The following CNOT4 variants were observed in gnomAD, a reference collection of about 807,000 sequenced individuals.
CNOT4 encodes the protein CCR4-NOT transcription complex subunit 4.
CNOT4 carries 8 observed loss-of-function variants against 73.8 expected under a neutral mutation model. The observed-to-expected ratio is 0.11, with a 90% CI of 0.06 to 0.20. CNOT4 has a LOEUF of 0.20. Among genes scored for constraint, CNOT4 ranks in the 10% least tolerant of loss-of-function variants. CNOT4 has a pLI of 1.00. For synonymous variants in CNOT4, 293 were observed against 321.1 expected (o/e 0.91, Z 0.94); for missense variants, 564 against 883.4 (o/e 0.64, Z 4.58).
intron 10 of CNOT4, among the ~76,000 whole-genome samples, chr7:135,392,391 G>A (rs1329595532): frequency 6.6e-6 from 1 of 152,038 alleles, no homozygotes; most frequent in Admixed American, 6.5e-5. Context: ...TAAATGTTTT[G>A]ATGATTTGGG....
chr7:135,380,621 G>A (rs530015100), intron 10 of CNOT4, among the ~76,000 whole-genome samples: 68 of 152,266 alleles, frequency 4.5e-4, no homozygotes, highest in African/African-American at 1.5e-3. Flanking sequence ...CTTGACTTGA[G>A]AGACCTACTG....
intron 1 of CNOT4, among the ~76,000 whole-genome samples, chr7:135,464,546 G>T (rs1801101816): frequency 6.6e-6 from 1 of 152,134 alleles, no homozygotes; most frequent in Non-Finnish European, 1.5e-5. Flanking sequence ...GGGAAGTGGG[G>T]AGGGTGGAAG....
At chr7:135,400,313 G>A (rs564175815) in intron 7 of CNOT4, among the ~76,000 whole-genome samples, 9 of 152,184 alleles carry the variant, frequency 5.9e-5, no homozygotes, top group African/African-American at 1.9e-4. Context: ...AATAAGCAGT[G>A]TTTTAGAAAG....
chr7:135,382,633 T>C (rs1449349362), intron 10 of CNOT4, among the ~76,000 whole-genome samples: 1 of 151,768 alleles, frequency 6.6e-6, no homozygotes, highest in African/African-American at 2.4e-5. Context: ...GTTTTCACAT[T>C]TGTGGATTCA....
At chr7:135,459,092 C>T (rs543554546) in intron 1 of CNOT4, among the ~76,000 whole-genome samples, 1 of 152,044 alleles carries the variant, frequency 6.6e-6, no homozygotes, top group African/African-American at 2.4e-5. Flanking sequence ...CCTGGATCCA[C>T]GGACTGCAGA....
intron 7 of CNOT4, among the ~76,000 whole-genome samples, chr7:135,402,159 G>C (rs1019555293): frequency 6.6e-6 from 1 of 150,474 alleles, no homozygotes; most frequent in African/African-American, 2.4e-5. Flanking sequence ...GCCCAGGCTG[G>C]AGTGCAGTAG....
chr7:135,386,410 A>T (rs1179695637), intron 10 of CNOT4: 1 of 148,772 alleles, frequency 6.7e-6, no homozygotes, highest in African/African-American at 2.6e-5. Flanking sequence ...GGAATTTAAC[A>T]ACAACAACAA....
chr7:135,380,309 A>G (rs868072888), intron 10 of CNOT4, among the ~76,000 whole-genome samples: 12 of 152,142 alleles, frequency 7.9e-5, no homozygotes, highest in Admixed American at 3.9e-4. Context: ...TCTAGTGGTT[A>G]TGTGTGTTGT....
intron 3 of CNOT4, among the ~76,000 whole-genome samples, chr7:135,420,651 G>A (rs370170591): frequency 1.1e-4 from 16 of 150,458 alleles, no homozygotes; most frequent in African/African-American, 3.4e-4. Context: ...ATAAGTGCCC[G>A]TTGGTTAGAG....
chr7:135,401,750 G>A (rs1171948894), intron 7 of CNOT4, among the ~76,000 whole-genome samples: 3 of 151,916 alleles, frequency 2.0e-5, no homozygotes, highest in Non-Finnish European at 4.4e-5. Context: ...AATGAGAGAG[G>A]CAAAAACAGA....
At chr7:135,433,078 T>G (rs1413714310) in intron 2 of CNOT4, among the ~76,000 whole-genome samples, 2 of 152,154 alleles carry the variant, frequency 1.3e-5, no homozygotes, top group Admixed American at 1.3e-4. Context: ...TCTTGGATGA[T>G]TACTTCCCCT....
chr7:135,362,931 T>C lies in CNOT4; in HGVS notation c.2096A>G (p.Lys699Arg), dbSNP rs1464933651. The C allele has an allele frequency of 6.2e-7, 1 of 1,611,344 alleles. No homozygotes were observed. Among genetic ancestry groups the C allele is most frequent in the East Asian group, 2.2e-5 (1 of 44,742 alleles). The change falls in exon 12 of 12, where the codon AAA becomes AGA. Residue 699 changes from lysine (K) to arginine (R), a missense_variant. Transcript: ENST00000541284. ...ACTCTGTAGTAAATCTGTGGGGGTT[T>C]TGCTGGGGGGTCTGAAGGCTGTCTG... ...GFQTAFRPPS[K>R]TPTDLLQSST...
At chr7:135,460,862 T>G (rs1800833899) in intron 1 of CNOT4, among the ~76,000 whole-genome samples, 1 of 152,254 alleles carries the variant, frequency 6.6e-6, no homozygotes, top group South Asian at 2.1e-4. Context: ...AACGGTTCTA[T>G]GTGACCATGT....
intron 2 of CNOT4, among the ~76,000 whole-genome samples, chr7:135,432,950 CTTCT>C (rs966947759): frequency 3.9e-4 from 59 of 152,332 alleles, no homozygotes; most frequent in African/African-American, 1.3e-3. Flanking sequence ...GCTTGTAGAA[CTTCT>C]TTGTCTTTGG....
At chr7:135,446,563 GATGA>G (rs1799844284) in intron 1 of CNOT4, among the ~76,000 whole-genome samples, 1 of 151,922 alleles carries the variant, frequency 6.6e-6, no homozygotes. Context: ...CAATCTAATA[GATGA>G]ATTTTTAATA....
At position 135,378,237 on chromosome 7, in the gene CNOT4, G is replaced by A. The variant is rs2129482812; in HGVS notation, c.1628-14171C>T. 1.3e-5 allele frequency among the ~76,000 whole-genome samples: 2 copies of A among 152,230 alleles called. 1 individual carries two copies. The highest frequency in any genetic ancestry group is 4.8e-5 in the African/African-American group (2 of 41,544). On this transcript the variant is annotated intron_variant, in intron 10 of 11. Transcript: ENST00000541284. ...AGAGAGAGAAGGCTGGGCGCAGTGGGTCACGCCTGTAATCCCAGCACTTTG... is the reference window on the plus strand; with the variant it reads ...AGAGAGAGAAGGCTGGGCGCAGTGGATCACGCCTGTAATCCCAGCACTTTG...
intron 3 of CNOT4, among the ~76,000 whole-genome samples, chr7:135,419,523 A>G (rs928426685): frequency 6.6e-6 from 1 of 152,190 alleles, no homozygotes. Context: ...TGGACTTTCA[A>G]GAGAAATAAA....
intron 1 of CNOT4, among the ~76,000 whole-genome samples, chr7:135,470,186 G>A (rs1343337949): frequency 2.0e-5 from 3 of 151,862 alleles, no homozygotes; most frequent in Non-Finnish European, 2.9e-5. Context: ...AGCAACTGCA[G>A]TGGTGCAATT....
chr7:135,473,244 T>A (rs971884356), intron 1 of CNOT4, among the ~76,000 whole-genome samples: 1 of 152,160 alleles, frequency 6.6e-6, no homozygotes, highest in Non-Finnish European at 1.5e-5. Flanking sequence ...ATAAATGAAC[T>A]AATAACATGC....
Sources: gnomAD v4.1 joint callset for allele counts (sites outside exome capture counted in the v4.1 genomes callset) on GRCh38, gnomAD v4.1.1 for gene constraint, MANE v1.5 for transcripts, NCBI Gene and HGNC (gene_info 2026-07-23, HGNC 2026-07-21) for gene names.